Variants in STS observed in about 807,000 individuals in gnomAD.
STS encodes the protein steroid sulfatase.
STS carries 7 observed loss-of-function variants against 26.8 expected under a neutral mutation model. The observed-to-expected ratio is 0.26, with a 90% CI of 0.15 to 0.49. STS has a LOEUF of 0.49. Among genes scored for constraint, STS ranks in the 20% least tolerant of loss-of-function variants. The pLI is 0.98. For missense variants in STS, 434 were observed against 465.6 expected, an observed-to-expected ratio of 0.93 and a Z score of 0.63; for synonymous variants, 199 against 189.4, an observed-to-expected ratio of 1.05 and a Z score of -0.42.
chrX:7,233,268 A>C (rs1922162195), intron 2 of STS, among the ~76,000 whole-genome samples: 1 of 108,467 alleles, frequency 9.2e-6, no homozygotes, highest in Non-Finnish European at 1.9e-5. Flanking sequence ...TAGTTTTTGT[A>C]TTTTTAGTAG....
chrX:7,245,787 C>T (rs1312973975), intron 2 of STS, among the ~76,000 whole-genome samples: 2 of 111,985 alleles, frequency 1.8e-5, no homozygotes, highest in African/African-American at 6.5e-5. Flanking sequence ...TAGAGGGTGT[C>T]CCTAGATAAG....
chrX:7,164,472 GA>G (rs1372349963), intron 1 of STS, among the ~76,000 whole-genome samples: 3 of 110,318 alleles, frequency 2.7e-5, no homozygotes, highest in Admixed American at 9.7e-5. Flanking sequence ...AATAACCTGA[GA>G]ACACTCAGGA....
At chrX:7,319,015 A>G (rs1328224870) in intron 8 of STS, among the ~76,000 whole-genome samples, 1 of 111,937 alleles carries the variant, frequency 8.9e-6, no homozygotes, top group Non-Finnish European at 1.9e-5. Flanking sequence ...ACATCAAGCC[A>G]TGTTCTCATA....
intron 1 of STS, among the ~76,000 whole-genome samples, chrX:7,149,923 T>C (rs1401666238): frequency 8.9e-6 from 1 of 112,340 alleles, no homozygotes; most frequent in Non-Finnish European, 1.9e-5. Context: ...TTTGATTACC[T>C]CTGACAAAAT....
At chrX:7,344,523 C>T (rs1024996005) in intron 10 of STS, among the ~76,000 whole-genome samples, 2 of 111,235 alleles carry the variant, frequency 1.8e-5, no homozygotes. Context: ...CCCATCATCT[C>T]GAGTGTCACC....
intron 7 of STS, among the ~76,000 whole-genome samples, chrX:7,287,465 G>T (rs1383502153): frequency 2.7e-5 from 3 of 110,711 alleles, no homozygotes; most frequent in Non-Finnish European, 5.7e-5. Context: ...TTGCCAGTAT[G>T]ACATATTAAT....
In STS at chrX:7,352,659, C is replaced by G. The variant is rs1345972540; in HGVS notation, c.*2398C>G. 9.0e-6 allele frequency: 1 copy of G among 111,498 alleles called. No homozygotes were observed. The highest frequency in any genetic ancestry group is 1.9e-5 in the Non-Finnish European group (1 of 53,152). 9.2% of individuals were successfully genotyped at this position (111,498 alleles called of 1,213,427 possible). A position where few individuals can be genotyped will look rare whatever the true frequency, so the allele number is the denominator to read the frequency against. On this transcript the variant is annotated 3_prime_UTR_variant, in exon 11 of 11. Coordinates refer to ENST00000674429, the MANE Select transcript of STS (RefSeq NM_001320752.2). ...ATGGCTGCTTGTTTACAAAGCATCT[C>G]ATTCATATTACCTGTGGAGTTGCAT...
intron 1 of STS, 81 bp downstream of exon 1, chrX:7,148,164 C>A: frequency 1.1e-6 from 1 of 892,812 alleles, no homozygotes; most frequent in Non-Finnish European, 1.5e-6. Flanking sequence ...GCGCGCGCAC[C>A]CGCCCGCCCC....
chrX:7,325,546 G>A, intron 9 of STS, 48 bp downstream of exon 9: 2 of 1,188,466 alleles, frequency 1.7e-6, no homozygotes, highest in African/African-American at 1.7e-5. Context: ...TGATTTCACA[G>A]CCCAGTATGC....
chrX:7,192,582 A>T (rs1569184959), intron 2 of STS, among the ~76,000 whole-genome samples: 3 of 107,035 alleles, frequency 2.8e-5, no homozygotes, highest in Admixed American at 2.0e-4. Context: ...AAAAAAATAG[A>T]TGAACGGCAG....
Position 7,259,307 on chromosome X carries a change from G to T in STS, c.383-42G>T, listed in dbSNP as rs765316303. On this transcript the variant is annotated intron_variant, in intron 5 of 10. Coordinates refer to ENST00000674429, the MANE Select transcript of STS (RefSeq NM_001320752.2). ...AACAGAAGCTTGGATTGGAATCAGG[G>T]TGTTTATTGGGACTGAAGTGATCCC... 7.9e-6 allele frequency: 9 copies of T among 1,140,688 alleles called. No homozygotes were observed. In the Admixed American group the frequency reaches 8.7e-5, roughly 11 times the overall value. 94.0% of individuals were successfully genotyped at this position (1,140,688 alleles called of 1,213,427 possible).
chrX:7,173,088 C>A (rs73627536), intron 1 of STS, among the ~76,000 whole-genome samples: 300 of 110,964 alleles, frequency 2.7e-3, no homozygotes, highest in African/African-American at 9.2e-3. Context: ...GCTCTACCCC[C>A]AGCCTATCCT....
At chrX:7,262,124 C>T (rs1043967354) in intron 6 of STS, among the ~76,000 whole-genome samples, 2 of 112,081 alleles carry the variant, frequency 1.8e-5, no homozygotes, top group African/African-American at 6.5e-5. Flanking sequence ...GGTTAACATC[C>T]AACTTCTGCT....
Position 7,148,017 on chromosome X carries a change from C to T in STS, c.-200C>T. 1.8e-6 allele frequency: 2 copies of T among 1,093,197 alleles called. No homozygotes were observed. Among genetic ancestry groups the T allele is most frequent in the Non-Finnish European group, 2.4e-6 (2 of 817,568 alleles). 90.1% of individuals were successfully genotyped at this position (1,093,197 alleles called of 1,213,427 possible). ...GACCGTCCCCACGCCCACACAAGACCGCCCTTACTGGAGGCGGCGGCTGCA... is the reference window on the plus strand; with the variant it reads ...GACCGTCCCCACGCCCACACAAGACTGCCCTTACTGGAGGCGGCGGCTGCA... On this transcript the variant is annotated 5_prime_UTR_variant, in exon 1 of 11. Transcript: ENST00000674429.
At position 7,258,105 on chromosome X, in the gene STS, CATAGATAGATAGATAGATAG is replaced by C. The variant is rs72344557; in HGVS notation, c.382+540_382+559del. ...ATAGATAGAGAAATAGAAAAACAGA[CATAGATAGATAGATAGATAG>C]ATAGATAGATAGATAGATAGATGCA... On this transcript the variant is annotated intron_variant, in intron 5 of 10. Coordinates refer to ENST00000674429, the MANE Select transcript of STS (RefSeq NM_001320752.2). 2.0e-4 allele frequency among the ~76,000 whole-genome samples: 19 copies of C among 92,690 alleles called. No homozygotes were observed. The East Asian group carries it at 3.9e-3, about 19-fold the overall frequency. 80.5% of individuals were successfully genotyped at this position (92,690 alleles called of 115,157 possible). A position where few individuals can be genotyped will look rare whatever the true frequency, so the allele number is the denominator to read the frequency against.
At chrX:7,242,751 G>A (rs1437478582) in intron 2 of STS, among the ~76,000 whole-genome samples, 4 of 112,109 alleles carry the variant, frequency 3.6e-5, no homozygotes, top group Admixed American at 2.8e-4. Flanking sequence ...GCTAGCAAGT[G>A]GGGGAGAAAG....
chrX:7,303,501 G>A (rs1926072088), intron 7 of STS, among the ~76,000 whole-genome samples: 1 of 110,976 alleles, frequency 9.0e-6, no homozygotes, highest in Non-Finnish European at 1.9e-5. Flanking sequence ...CCTCCCACCG[G>A]CGGTGAAGGA....
intron 6 of STS, among the ~76,000 whole-genome samples, chrX:7,261,272 A>G (rs1392455868): frequency 9.0e-6 from 1 of 111,039 alleles, no homozygotes; most frequent in Non-Finnish European, 1.9e-5. Flanking sequence ...TATAAAGGAG[A>G]CAGAGGAAAT....
At chrX:7,274,108 G>A (rs1380916115) in intron 6 of STS, among the ~76,000 whole-genome samples, 5 of 92,287 alleles carry the variant, frequency 5.4e-5, no homozygotes, top group Non-Finnish European at 9.2e-5. Context: ...ACCATATTGG[G>A]GTAGAAGCTG....
Sources: allele counts gnomAD v4.1 joint callset (sites outside exome capture counted in the v4.1 genomes callset), GRCh38; gene constraint gnomAD v4.1.1; transcripts MANE v1.5; gene names NCBI Gene and HGNC (gene_info 2026-07-23, HGNC 2026-07-21).